Variants in PPP6R2 observed in about 807,000 individuals in gnomAD.
PPP6R2 encodes serine/threonine-protein phosphatase 6 regulatory subunit 2.
A neutral mutation model predicts 100.2 loss-of-function variants in PPP6R2; 62 were observed. That is an observed-to-expected ratio of 0.62 (90% CI 0.50 to 0.76). PPP6R2 has a LOEUF of 0.76. PPP6R2 is among the 30% of genes least tolerant of loss of function. The pLI is 0.00. For synonymous variants in PPP6R2, 525 were observed against 514.7 expected, an observed-to-expected ratio of 1.02 and a Z score of -0.27; for missense variants, 1,142 against 1,276.3, an observed-to-expected ratio of 0.89 and a Z score of 1.60.
chr22:50,340,587 GGTGTGT>G (rs1325503574), upstream of PPP6R2, among the ~76,000 whole-genome samples: 6 of 127,414 alleles, frequency 4.7e-5, no homozygotes, highest in South Asian at 1.7e-3. Flanking sequence ...TGTGGTGTGT[GGTGTGT>G]GTGTGTGGTG....
intron 2 of PPP6R2, among the ~76,000 whole-genome samples, chr22:50,379,372 C>T (rs960020873): frequency 3.9e-5 from 6 of 151,962 alleles, no homozygotes; most frequent in Non-Finnish European, 8.8e-5. Context: ...TGGTGCATGC[C>T]TGTAGTTCCA....
rs190110416 is a variant in PPP6R2 at position 50,396,267 on chromosome 22, C to T, written c.227+2132C>T. On this transcript the variant is annotated intron_variant, in intron 3 of 23. Transcript: ENST00000612753. ...ATCCCAACACTTTGGGAGGCCAAGG[C>T]GGGCAGATCACGAGGTCAGGAGTTC... 4.5e-4 allele frequency among the ~76,000 whole-genome samples: 66 copies of T among 145,652 alleles called. 1 individual carries two copies. The South Asian group carries it at 0.014, about 30-fold the overall frequency.
At chr22:50,369,845 C>T (rs1177996110) in intron 1 of PPP6R2, among the ~76,000 whole-genome samples, 1 of 151,770 alleles carries the variant, frequency 6.6e-6, no homozygotes, top group Non-Finnish European at 1.5e-5. Flanking sequence ...AAGCAGTCCT[C>T]CCACTCAGCC....
intron 3 of PPP6R2, among the ~76,000 whole-genome samples, chr22:50,406,263 T>C (rs546378407): frequency 1.8e-5 from 2 of 110,150 alleles, no homozygotes; most frequent in Admixed American, 2.1e-4. Flanking sequence ...CAGGCGAGTG[T>C]GAAGGCCTAG....
Position 50,431,470 on chromosome 22 carries a change from A to G in PPP6R2, c.1335+88A>G, listed in dbSNP as rs2063129680. On this transcript the variant is annotated intron_variant, in intron 11 of 23. Coordinates refer to ENST00000612753, the MANE Select transcript of PPP6R2 (RefSeq NM_001242898.2). This position sits in a 1 kb window ranked among gnomAD's most constrained non-coding sequence, Gnocchi z 4.8. The stretch of plus-strand genomic sequence containing the variant: ...TCAGCGCTGACGTGTGCCGGACCTC[A>G]CTGTGCAGCTGACACGGGGGCAGGG... 8.1e-7 allele frequency: 1 copy of G among 1,228,930 alleles called. No homozygotes were observed. Among genetic ancestry groups the G allele is most frequent in the East Asian group, 2.5e-5 (1 of 39,972 alleles). 76.1% of individuals were successfully genotyped at this position (1,228,930 alleles called of 1,614,324 possible).
the PPP6R2 span, among the ~76,000 whole-genome samples, chr22:50,332,016 C>G: frequency 1.4e-4 from 21 of 152,206 alleles, no homozygotes; most frequent in African/African-American, 5.1e-4. Context: ...CTTCCTACCT[C>G]AGCCTCCCAA....
At chr22:50,390,105 C>T (rs1051417664) in intron 2 of PPP6R2, among the ~76,000 whole-genome samples, 3 of 151,372 alleles carry the variant, frequency 2.0e-5, no homozygotes, top group Non-Finnish European at 2.9e-5. Flanking sequence ...GATTCTCCTG[C>T]CTCAGCCTCC....
intron 2 of PPP6R2, among the ~76,000 whole-genome samples, chr22:50,390,606 C>T (rs550479231): frequency 6.6e-6 from 1 of 151,654 alleles, no homozygotes; most frequent in Non-Finnish European, 1.5e-5. Context: ...TTGCAGTGAG[C>T]CAAAGTTGCA....
At chr22:50,337,487 ATG>A in the PPP6R2 span, among the ~76,000 whole-genome samples, 2 of 97,366 alleles carry the variant, frequency 2.1e-5, no homozygotes, top group African/African-American at 8.4e-5. Flanking sequence ...TTTGTCTGCG[ATG>A]TGTGGTGTGT....
intron 4 of PPP6R2, among the ~76,000 whole-genome samples, chr22:50,408,587 C>G (rs571446647): frequency 1.3e-5 from 2 of 151,990 alleles, no homozygotes; most frequent in African/African-American, 4.8e-5. Flanking sequence ...TGGTGTGGGC[C>G]GGGGGATTGT....
intron 2 of PPP6R2, among the ~76,000 whole-genome samples, chr22:50,382,754 G>C (rs1439480400): frequency 6.6e-6 from 1 of 151,944 alleles, no homozygotes; most frequent in East Asian, 1.9e-4. Context: ...TTCTCCAACT[G>C]ATCGAGAAAT....
rs767990488 is a variant in PPP6R2 at position 50,423,115 on chromosome 22, CAGTG to C, written c.973-344_973-341del. 5.9e-5 allele frequency among the ~76,000 whole-genome samples: 9 copies of C among 152,166 alleles called. No homozygotes were observed. The highest frequency in any genetic ancestry group is 7.4e-5 in the Non-Finnish European group (5 of 68,020). On this transcript the variant is annotated intron_variant, in intron 9 of 23. Coordinates refer to ENST00000612753, the MANE Select transcript of PPP6R2 (RefSeq NM_001242898.2). The surrounding 1 kb of genome is among the most constrained non-coding windows in gnomAD (Gnocchi z 4.8). Reference sequence around the variant, plus strand: ...CAGAGGGACCCCCACTGGGCATCCTCAGTGAGGCATCGTGCCAAGGGCTCTGGCC... The same window carrying C: ...CAGAGGGACCCCCACTGGGCATCCTCAGGCATCGTGCCAAGGGCTCTGGCC...
At chr22:50,349,144 G>A (rs1384946295) in intron 1 of PPP6R2, among the ~76,000 whole-genome samples, 2 of 148,156 alleles carry the variant, frequency 1.3e-5, no homozygotes, top group African/African-American at 2.5e-5. Context: ...GCAGTGTGCC[G>A]AGATTGTGCC....
At chr22:50,425,367 T>C (rs1036450691) in intron 10 of PPP6R2, among the ~76,000 whole-genome samples, 1 of 152,222 alleles carries the variant, frequency 6.6e-6, no homozygotes, top group Non-Finnish European at 1.5e-5. Context: ...ACTGTGTGGG[T>C]GGGCCACATT....
At chr22:50,338,662 GGTATGTGGTGTGTGTGTA>G (rs1336250054), upstream of PPP6R2, among the ~76,000 whole-genome samples, 14 of 136,700 alleles carry the variant, frequency 1.0e-4, no homozygotes, top group East Asian at 2.4e-4. Flanking sequence ...TAGTGTGTGT[GGTATGTGGTGTGTGTGTA>G]GTATGTGGTG....
intron 4 of PPP6R2, among the ~76,000 whole-genome samples, chr22:50,413,222 C>T (rs898539563): frequency 8.5e-5 from 13 of 152,264 alleles, no homozygotes; most frequent in East Asian, 3.9e-4. Context: ...CTCGGCCTCC[C>T]AAAGTGCTGG....
At chr22:50,438,783 C>T (rs771951671) in intron 19 of PPP6R2, 21 bp downstream of exon 19, 1 of 1,573,872 alleles carries the variant, frequency 6.4e-7, no homozygotes, top group East Asian at 2.3e-5. Context: ...GCGCCAGGGG[C>T]TGGGAGTGTG....
At chr22:50,393,699 G>A (rs2056133815) in intron 2 of PPP6R2, 194 bp from the exon 3 acceptor site, 1 of 982,304 alleles carries the variant, frequency 1.0e-6, no homozygotes. Flanking sequence ...GGTTACTGGG[G>A]AGGGCCCCCA....
intron 6 of PPP6R2, among the ~76,000 whole-genome samples, chr22:50,416,392 A>G (rs558603658): frequency 6.6e-6 from 1 of 150,620 alleles, no homozygotes; most frequent in African/African-American, 2.5e-5. Context: ...GCAGTGGTGC[A>G]ATCTCGGCTC....
Sources: gnomAD v4.1 joint callset for allele counts (sites outside exome capture counted in the v4.1 genomes callset) on GRCh38, gnomAD v4.1.1 for gene constraint, Gnocchi (gnomAD v3.1) non-coding constraint, MANE v1.5 for transcripts, NCBI Gene and HGNC (gene_info 2026-07-23, HGNC 2026-07-21) for gene names.